The following CLSTN2 variants were observed in gnomAD, a reference collection of about 807,000 sequenced individuals.
CLSTN2 encodes the protein calsyntenin 2, also known as calsyntenin-2.
A neutral mutation model predicts 101.2 loss-of-function variants in CLSTN2; 48 were observed. The ratio of observed to expected loss-of-function variants is 0.47; its 90% confidence interval spans 0.38 to 0.60. The LOEUF (loss-of-function observed/expected upper bound fraction) is 0.60. Among genes scored for constraint, CLSTN2 ranks in the 20% least tolerant of loss-of-function variants. The pLI is 0.00. For missense variants in CLSTN2, 1,160 were observed against 1,238.2 expected (o/e 0.94, Z 0.95); for synonymous variants, 481 against 463.6 (o/e 1.04, Z -0.48).
At chr3:140,243,371 C>T (rs766842427) in intron 2 of CLSTN2, among the ~76,000 whole-genome samples, 1 of 152,166 alleles carries the variant, frequency 6.6e-6, no homozygotes, top group Non-Finnish European at 1.5e-5. Context: ...CAGTAATGGG[C>T]CTCCCCATAA....
intron 2 of CLSTN2, among the ~76,000 whole-genome samples, chr3:140,179,036 C>A (rs2010367386): frequency 1.3e-5 from 2 of 152,132 alleles, no homozygotes; most frequent in African/African-American, 4.8e-5. Context: ...TGCCATCTTA[C>A]ACATATCATT....
chr3:140,463,978 C>T (rs536824221), intron 7 of CLSTN2, among the ~76,000 whole-genome samples: 138 of 152,156 alleles, frequency 9.1e-4, no homozygotes, highest in African/African-American at 3.2e-3. Context: ...CACAAATGTC[C>T]CAGCCACCCA....
chr3:140,108,593 C>T lies in CLSTN2; in HGVS notation c.110-67358C>T, dbSNP rs566290522. On this transcript the variant is annotated intron_variant, in intron 1 of 16. Transcript: ENST00000458420. ...TAAAAAGAACCTTGGTGGAGTCATT[C>T]TTAGGTTTCAAAATACTCCAGTCTC... is the stretch of plus-strand genomic sequence containing the variant. Among the ~76,000 whole-genome samples, 6 of 152,222 alleles carry T rather than the reference C, an allele frequency of 3.9e-5. No homozygotes were observed. The East Asian group carries it at 1.2e-3, about 29-fold the overall frequency.
intron 9 of CLSTN2, among the ~76,000 whole-genome samples, chr3:140,546,006 G>A (rs899091683): frequency 6.6e-6 from 1 of 152,170 alleles, no homozygotes; most frequent in Admixed American, 6.5e-5. Flanking sequence ...AAGCAAATGC[G>A]AGCTTTGAGG....
chr3:140,393,472 C>T (rs528351738), intron 2 of CLSTN2, among the ~76,000 whole-genome samples: 6 of 152,256 alleles, frequency 3.9e-5, no homozygotes, highest in East Asian at 1.9e-4. Flanking sequence ...AACTTTAACC[C>T]GCTGAATGGA....
intron 1 of CLSTN2, among the ~76,000 whole-genome samples, chr3:140,093,883 T>A (rs2008823372): frequency 6.6e-6 from 1 of 152,152 alleles, no homozygotes; most frequent in Non-Finnish European, 1.5e-5. Flanking sequence ...CAAAGTCTAG[T>A]AAAAAGAACA....
At chr3:140,422,329 ATG>A (rs1169256366) in intron 5 of CLSTN2, among the ~76,000 whole-genome samples, 1 of 152,114 alleles carries the variant, frequency 6.6e-6, no homozygotes, top group Non-Finnish European at 1.5e-5. Context: ...CAGTCTTTGA[ATG>A]ACTGTCTTTT....
chr3:140,242,173 A>G (rs1249855804), intron 2 of CLSTN2, among the ~76,000 whole-genome samples: 6 of 152,082 alleles, frequency 3.9e-5, no homozygotes, highest in Non-Finnish European at 8.8e-5. Flanking sequence ...TGGCCTCCCC[A>G]AGTACTGGGA....
intron 2 of CLSTN2, among the ~76,000 whole-genome samples, chr3:140,345,691 T>TTACTACTA (rs2087540242): frequency 4.0e-5 from 6 of 150,368 alleles, no homozygotes; most frequent in Non-Finnish European, 8.8e-5. Context: ...GTAGCATGTG[T>TTACTACTA]GTGGCTGCCA....
chr3:140,155,752 A>C (rs7645419), intron 1 of CLSTN2, among the ~76,000 whole-genome samples: 27,019 of 152,178 alleles, frequency 0.18, 7,268 homozygotes, highest in African/African-American at 0.59. Flanking sequence ...TTGCTGAGTG[A>C]CCACTCTTAG....
rs1440414327 is a variant in CLSTN2 at position 140,566,780 on chromosome 3, T to G, written c.*527T>G. On this transcript the variant is annotated 3_prime_UTR_variant, in exon 17 of 17. Coordinates refer to ENST00000458420, the MANE Select transcript of CLSTN2 (RefSeq NM_022131.3). Reference sequence around the variant, plus strand: ...AAGTCCTTGTTGAGGCAGAACTAAGTTTACAGGGAAAGGTACACACATTCT... The same window carrying G: ...AAGTCCTTGTTGAGGCAGAACTAAGGTTACAGGGAAAGGTACACACATTCT... The G allele has an allele frequency of 6.3e-6, 1 of 157,844 alleles. No individual in the cohort carries two copies. The highest frequency in any genetic ancestry group is 2.5e-5 in the African/African-American group (1 of 40,512). 9.8% of individuals were successfully genotyped at this position (157,844 alleles called of 1,614,324 possible).
chr3:140,293,624 G>A (rs2086974945), intron 2 of CLSTN2, among the ~76,000 whole-genome samples: 1 of 152,152 alleles, frequency 6.6e-6, no homozygotes, highest in Non-Finnish European at 1.5e-5. Flanking sequence ...TAATGGAGTG[G>A]ATGAGGGAAA....
At chr3:140,497,493 T>C (rs1176411223) in intron 8 of CLSTN2, among the ~76,000 whole-genome samples, 1 of 152,058 alleles carries the variant, frequency 6.6e-6, no homozygotes, top group African/African-American at 2.4e-5. Flanking sequence ...AATGGCTGAG[T>C]CAACCTCACC....
At chr3:140,459,878 A>G (rs914429869) in intron 7 of CLSTN2, 109 bp downstream of exon 7, 1 of 1,259,066 alleles carries the variant, frequency 7.9e-7, no homozygotes, top group South Asian at 1.3e-5. Context: ...GAAAAGCAGG[A>G]GCCTGAGAGG....
At chr3:140,146,712 G>T (rs2009785939) in intron 1 of CLSTN2, among the ~76,000 whole-genome samples, 1 of 152,184 alleles carries the variant, frequency 6.6e-6, no homozygotes, top group African/African-American at 2.4e-5. Flanking sequence ...ATGTGCCTAG[G>T]ATGGCCAAGT....
At chr3:140,051,849 AC>A (rs2008002174) in intron 1 of CLSTN2, among the ~76,000 whole-genome samples, 1 of 152,182 alleles carries the variant, frequency 6.6e-6, no homozygotes, top group Non-Finnish European at 1.5e-5. Flanking sequence ...CATGGAAACC[AC>A]CTGGAGGGGC....
At chr3:140,544,369 G>A (rs531742067) in intron 9 of CLSTN2, among the ~76,000 whole-genome samples, 70 of 152,274 alleles carry the variant, frequency 4.6e-4, no homozygotes, top group African/African-American at 1.4e-3. Context: ...GTAAGCCTGC[G>A]GGTGGCACAA....
At chr3:140,294,460 C>T (rs778938028) in intron 2 of CLSTN2, among the ~76,000 whole-genome samples, 8 of 152,182 alleles carry the variant, frequency 5.3e-5, no homozygotes, top group Non-Finnish European at 1.0e-4. Flanking sequence ...TCACTGATCA[C>T]CATCATCATG....
At chr3:140,175,410 TATA>T (rs1315255175) in intron 1 of CLSTN2, among the ~76,000 whole-genome samples, 5 of 152,298 alleles carry the variant, frequency 3.3e-5, no homozygotes, top group East Asian at 1.9e-4. Context: ...TCTTTGCATA[TATA>T]ATGATATTTA....
Sources: allele counts gnomAD v4.1 joint callset (sites outside exome capture counted in the v4.1 genomes callset), GRCh38; gene constraint gnomAD v4.1.1; transcripts MANE v1.5; gene names NCBI Gene and HGNC (gene_info 2026-07-23, HGNC 2026-07-21).